The following ARHGAP42 variants were observed in gnomAD, a reference collection of about 807,000 sequenced individuals.
ARHGAP42 encodes the protein Rho GTPase activating protein 42.
In ARHGAP42, 63 loss-of-function variants were observed where a neutral mutation model predicts 125.0. The ratio of observed to expected loss-of-function variants is 0.50; its 90% CI spans 0.41 to 0.62. ARHGAP42 has a LOEUF of 0.62. Among genes scored for constraint, ARHGAP42 ranks in the 20% least tolerant of loss-of-function variants. The pLI, the probability that ARHGAP42 is intolerant of heterozygous loss-of-function variation, is 0.00. For missense variants in ARHGAP42, 766 were observed against 1,024.2 expected (o/e 0.75, Z 3.44); for synonymous variants, 339 against 351.0 (o/e 0.97, Z 0.38).
At chr11:100,747,003 A>G (rs1862321649) in intron 1 of ARHGAP42, among the ~76,000 whole-genome samples, 1 of 152,158 alleles carries the variant, frequency 6.6e-6, no homozygotes, top group African/African-American at 2.4e-5. Context: ...AGCACAAGGT[A>G]GGGTCCTTCC....
At chr11:100,966,367 T>C (rs1001598003) in intron 17 of ARHGAP42, among the ~76,000 whole-genome samples, 3 of 152,186 alleles carry the variant, frequency 2.0e-5, no homozygotes, top group African/African-American at 7.2e-5. Flanking sequence ...TAGAGATTGG[T>C]TGATTTTAAG....
intron 1 of ARHGAP42, among the ~76,000 whole-genome samples, chr11:100,752,724 T>C (rs1392795957): frequency 6.6e-6 from 1 of 152,182 alleles, no homozygotes; most frequent in Non-Finnish European, 1.5e-5. Context: ...TTATAAGTAG[T>C]CTTAGTTTGT....
chr11:100,934,531 T>G (rs1867681217), intron 7 of ARHGAP42, among the ~76,000 whole-genome samples: 1 of 152,230 alleles, frequency 6.6e-6, no homozygotes, highest in Non-Finnish European at 1.5e-5. Context: ...ATACAAATTC[T>G]GATGTTCAAA....
At chr11:100,800,016 A>G (rs749113877) in intron 3 of ARHGAP42, among the ~76,000 whole-genome samples, 5 of 152,208 alleles carry the variant, frequency 3.3e-5, no homozygotes, top group Non-Finnish European at 7.3e-5. Flanking sequence ...AAAGAGAAGT[A>G]AGGGGACTAT....
At chr11:100,688,651 C>T (rs1861132237) in intron 1 of ARHGAP42, among the ~76,000 whole-genome samples, 1 of 152,206 alleles carries the variant, frequency 6.6e-6, no homozygotes, top group Non-Finnish European at 1.5e-5. Flanking sequence ...GTTTCTCTTA[C>T]AGAGAATTGA....
chr11:100,709,085 G>A (rs1223582829), intron 1 of ARHGAP42, among the ~76,000 whole-genome samples: 1 of 151,840 alleles, frequency 6.6e-6, no homozygotes, highest in Non-Finnish European at 1.5e-5. Context: ...TGTCACCCAG[G>A]GTGGAGTGCA....
intron 3 of ARHGAP42, among the ~76,000 whole-genome samples, chr11:100,856,646 T>C (rs534879265): frequency 1.3e-5 from 2 of 152,246 alleles, no homozygotes; most frequent in African/African-American, 2.4e-5. Flanking sequence ...TGTAGGGTTA[T>C]CTACTACTGC....
chr11:100,914,955 A>G (rs992970830), intron 5 of ARHGAP42, among the ~76,000 whole-genome samples: 5 of 152,130 alleles, frequency 3.3e-5, no homozygotes, highest in African/African-American at 4.8e-5. Flanking sequence ...ATATGTTCTC[A>G]TCGACAGTAT....
intron 1 of ARHGAP42, among the ~76,000 whole-genome samples, chr11:100,759,183 A>G (rs2120354410): frequency 6.6e-6 from 1 of 152,236 alleles, no homozygotes; most frequent in Non-Finnish European, 1.5e-5. Flanking sequence ...ATCACCCTGC[A>G]GCTTGCTAAC....
chr11:100,807,860 C>T (rs2135054223), intron 3 of ARHGAP42, among the ~76,000 whole-genome samples: 1 of 152,312 alleles, frequency 6.6e-6, no homozygotes, highest in South Asian at 2.1e-4. Context: ...TACATTTACT[C>T]TCTGCTGTTG....
At chr11:100,764,384 A>G (rs1275586415) in intron 1 of ARHGAP42, among the ~76,000 whole-genome samples, 1 of 152,190 alleles carries the variant, frequency 6.6e-6, no homozygotes, top group African/African-American at 2.4e-5. Flanking sequence ...ATGAAAGAGC[A>G]TCCAGTTTGG....
At chr11:100,919,051 T>C (rs1403782290) in intron 5 of ARHGAP42, among the ~76,000 whole-genome samples, 1 of 152,010 alleles carries the variant, frequency 6.6e-6, no homozygotes, top group Non-Finnish European at 1.5e-5. Context: ...TAAAAAAGGG[T>C]ACAGGGGACA....
chr11:100,829,212 A>T (rs1031331245), intron 3 of ARHGAP42, among the ~76,000 whole-genome samples: 1 of 151,882 alleles, frequency 6.6e-6, no homozygotes, highest in Non-Finnish European at 1.5e-5. Flanking sequence ...TGGCTTGGGG[A>T]AAAAAAGCAT....
rs138455624 is a variant in ARHGAP42, at chr11:100,918,031, T to C, written c.487-3463T>C. ...CACATGTACTTAGGCTACCACTTAA[T>C]TACTATATGCTGCACTGTCTTCATG... is the stretch of plus-strand genomic sequence containing the variant. On this transcript the variant is annotated intron_variant, in intron 5 of 23. Transcript: ENST00000298815. Among the ~76,000 whole-genome samples the C allele has an allele frequency of 7.3e-3, 1,107 of 152,318 alleles. 18 individuals carry two copies. Among genetic ancestry groups the C allele is most frequent in the African/African-American group, 0.025 (1,035 of 41,576 alleles).
intron 1 of ARHGAP42, among the ~76,000 whole-genome samples, chr11:100,693,522 T>G (rs1861227156): frequency 6.6e-6 from 1 of 152,200 alleles, no homozygotes; most frequent in Non-Finnish European, 1.5e-5. Flanking sequence ...GCTATTTACT[T>G]CCATCTACCT....
rs148047003 is a variant in ARHGAP42, at chr11:100,821,860, G to A, written c.312+26694G>A. 3.1e-4 allele frequency among the ~76,000 whole-genome samples: 47 copies of A among 152,068 alleles called. No homozygotes were observed. In the Middle Eastern group the frequency reaches 0.01, roughly 33 times the overall value. ...ATTCATTCTTATTTTACATTAATCC[G>A]AACCACATTTCTTCAGTGGCAAATG... On this transcript the variant is annotated intron_variant, in intron 3 of 23. Transcript: ENST00000298815.
intron 1 of ARHGAP42, among the ~76,000 whole-genome samples, chr11:100,749,062 C>G (rs11224429): frequency 2.6e-5 from 4 of 152,188 alleles, no homozygotes; most frequent in Non-Finnish European, 5.9e-5. Flanking sequence ...GCGGCTTATG[C>G]TGCTGTTCTC....
At chr11:100,897,422 A>G (rs560252676) in intron 4 of ARHGAP42, among the ~76,000 whole-genome samples, 2 of 152,080 alleles carry the variant, frequency 1.3e-5, no homozygotes, top group East Asian at 3.9e-4. Flanking sequence ...TCTATAAATT[A>G]CCTTGGGCAG....
rs1184964778 is a variant in ARHGAP42, at chr11:100,859,732, TG to T, written c.384+108del. The T allele has an allele frequency of 1.6e-5, 14 of 884,374 alleles. No homozygotes were observed. In the Admixed American group the frequency reaches 2.6e-4, roughly 17 times the overall value. 54.8% of individuals were successfully genotyped at this position (884,374 alleles called of 1,614,324 possible). On this transcript the variant is annotated intron_variant, in intron 4 of 23. Transcript: ENST00000298815. The stretch of plus-strand genomic sequence containing the variant: ...ATTAGAATGACCTTTTAAAAGATTT[TG>T]TACATCATTTAAAACTTTTTGCATA...
Sources: allele counts gnomAD v4.1 joint callset (sites outside exome capture counted in the v4.1 genomes callset), GRCh38; gene constraint gnomAD v4.1.1; transcripts MANE v1.5; gene names NCBI Gene and HGNC (gene_info 2026-07-23, HGNC 2026-07-21).